The following NHSL2 variants were observed in gnomAD, a reference collection of about 807,000 sequenced individuals.
NHSL2 encodes NHS like 2, also known as NHS-like protein 2.
A neutral mutation model predicts 53.4 loss-of-function variants in NHSL2; 27 were observed. The ratio of observed to expected loss-of-function variants is 0.51; its 90% CI spans 0.37 to 0.70. The LOEUF is 0.70. Ranked by LOEUF, NHSL2 falls within the 30% of genes least tolerant of loss-of-function variation. The pLI is 0.00. For synonymous variants in NHSL2, 408 were observed against 404.1 expected (o/e 1.01, Z -0.12); for missense variants, 892 against 980.1 (o/e 0.91, Z 1.20).
chrX:72,099,361 A>ATTTTTTT (rs753132294), intron 1 of NHSL2, among the ~76,000 whole-genome samples: 2 of 84,345 alleles, frequency 2.4e-5, no homozygotes, highest in South Asian at 6.7e-4. Flanking sequence ...TTGTGTAGGA[A>ATTTTTTT]TTTTTTTTTT....
chrX:72,058,075 T>A (rs985944578), intron 1 of NHSL2, among the ~76,000 whole-genome samples: 4 of 112,096 alleles, frequency 3.6e-5, no homozygotes, highest in African/African-American at 3.2e-5. Context: ...GTGCAATTGT[T>A]TGAGGTGTGA....
chrX:72,082,609 GA>G (rs923069005), intron 1 of NHSL2, among the ~76,000 whole-genome samples: 1 of 112,274 alleles, frequency 8.9e-6, no homozygotes, highest in African/African-American at 3.2e-5. Context: ...AACAGGGATT[GA>G]ACCCAGGCCC....
At chrX:71,938,463 A>C in intron 1 of NHSL2, among the ~76,000 whole-genome samples, 1 of 112,203 alleles carries the variant, frequency 8.9e-6, no homozygotes, top group Non-Finnish European at 1.9e-5. Flanking sequence ...TCTCCCATGC[A>C]TGATTGCTCA....
intron 1 of NHSL2, among the ~76,000 whole-genome samples, chrX:71,964,067 A>ATGTG (rs2041889519): frequency 1.4e-4 from 12 of 88,557 alleles, no homozygotes; most frequent in Non-Finnish European, 1.9e-4. Flanking sequence ...GTGTATATAT[A>ATGTG]TATTATTATT....
intron 1 of NHSL2, among the ~76,000 whole-genome samples, chrX:72,108,569 C>T (rs1326721294): frequency 2.7e-5 from 3 of 112,931 alleles, no homozygotes; most frequent in African/African-American, 6.4e-5. Context: ...GGGGCGGGAC[C>T]AGAAGAGTGG....
At chrX:72,016,376 G>A (rs1052650401) in intron 1 of NHSL2, among the ~76,000 whole-genome samples, 1 of 111,804 alleles carries the variant, frequency 8.9e-6, no homozygotes, top group African/African-American at 3.3e-5. Context: ...AATTACTGTA[G>A]ATTTGATACC....
At chrX:71,993,643 AG>A (rs1268873152) in intron 1 of NHSL2, among the ~76,000 whole-genome samples, 5 of 111,551 alleles carry the variant, frequency 4.5e-5, no homozygotes, top group Non-Finnish European at 7.5e-5. Flanking sequence ...GAATGAGCCA[AG>A]GATGCTCCGT....
intron 1 of NHSL2, among the ~76,000 whole-genome samples, chrX:72,119,322 G>C (rs1277214124): frequency 9.0e-6 from 1 of 111,723 alleles, no homozygotes; most frequent in Non-Finnish European, 1.9e-5. Flanking sequence ...TTGGAATTTT[G>C]ATAGGGATTG....
At chrX:72,131,543 C>G (rs764413186) in intron 1 of NHSL2, 4 of 1,174,953 alleles carry the variant, frequency 3.4e-6, no homozygotes, top group East Asian at 3.0e-5. Flanking sequence ...TCAGACATCT[C>G]GACAAGCCCA....
chrX:72,137,285 C>T (rs1001712729), intron 5 of NHSL2, 60 bp downstream of exon 5: 5 of 1,049,899 alleles, frequency 4.8e-6, no homozygotes, highest in Non-Finnish European at 5.2e-6. Flanking sequence ...GCCAATCCTG[C>T]CACCCAGGTG....
chrX:71,920,048 A>C (rs2041649467), intron 1 of NHSL2, among the ~76,000 whole-genome samples: 1 of 112,669 alleles, frequency 8.9e-6, no homozygotes, highest in Non-Finnish European at 1.9e-5. Context: ...AGCGTGTTTC[A>C]GTAAAGTACT....
At chrX:72,019,979 C>A (rs2042152404) in intron 1 of NHSL2, among the ~76,000 whole-genome samples, 1 of 111,928 alleles carries the variant, frequency 8.9e-6, no homozygotes, top group African/African-American at 3.2e-5. Context: ...CATCTGCTTC[C>A]TCTGTCTTTC....
At chrX:72,040,437 C>T (rs1349264792) in intron 1 of NHSL2, among the ~76,000 whole-genome samples, 2 of 112,102 alleles carry the variant, frequency 1.8e-5, no homozygotes, top group Non-Finnish European at 1.9e-5. Context: ...AATGAAGTAT[C>T]GTGATTTCCA....
At position 71,948,432 on chromosome X, in the gene NHSL2, C is replaced by T. The variant is rs745916338; in HGVS notation, c.280+37065C>T. Among the ~76,000 whole-genome samples the T allele has an allele frequency of 7.3e-4, 82 of 112,216 alleles. No individual in the cohort carries two copies. The South Asian group carries it at 0.015, about 20-fold the overall frequency. On this transcript the variant is annotated intron_variant, in intron 1 of 7. Transcript: ENST00000633930. ...ATTAGTGTGTGGGGTGCATCACATG[C>T]GCTCTAAGCTAGGCTTTTAGTTATC... is the stretch of plus-strand genomic sequence containing the variant.
intron 1 of NHSL2, among the ~76,000 whole-genome samples, chrX:71,927,581 G>A (rs868329630): frequency 9.2e-5 from 10 of 108,749 alleles, no homozygotes; most frequent in African/African-American, 3.3e-4. Flanking sequence ...TTTTGAGACG[G>A]AGTCTTGCTC....
chrX:72,068,687 A>T (rs1183913572), intron 1 of NHSL2, among the ~76,000 whole-genome samples: 3 of 108,752 alleles, frequency 2.8e-5, no homozygotes, highest in Non-Finnish European at 3.8e-5. Context: ...AGAGAGAGAG[A>T]GAGAGAGAGA....
intron 1 of NHSL2, among the ~76,000 whole-genome samples, chrX:71,928,025 T>G (rs1304579063): frequency 1.8e-5 from 2 of 113,021 alleles, no homozygotes; most frequent in Non-Finnish European, 3.7e-5. Flanking sequence ...ACAAAATTTA[T>G]AAGTAATACT....
At chrX:72,126,598 C>T (rs1454639952) in intron 1 of NHSL2, among the ~76,000 whole-genome samples, 1 of 110,894 alleles carries the variant, frequency 9.0e-6, no homozygotes, top group Non-Finnish European at 1.9e-5. Flanking sequence ...CCAATTCATG[C>T]TGGGAAACTT....
intron 1 of NHSL2, among the ~76,000 whole-genome samples, chrX:72,095,676 TGCCCTCCAC>T (rs2041938231): frequency 2.7e-5 from 3 of 111,606 alleles, no homozygotes; most frequent in Non-Finnish European, 5.6e-5. Context: ...CTCAACTCCA[TGCCCTCCAC>T]ACTCCCGTAG....
Sources: allele counts gnomAD v4.1 joint callset (sites outside exome capture counted in the v4.1 genomes callset), GRCh38; gene constraint gnomAD v4.1.1; transcripts MANE v1.5; gene names NCBI Gene and HGNC (gene_info 2026-07-23, HGNC 2026-07-21).